Variants in GPATCH2L observed in about 807,000 individuals in gnomAD.
GPATCH2L encodes G patch domain-containing protein 2-like.
A neutral mutation model predicts 57.4 loss-of-function variants in GPATCH2L; 31 were observed. The ratio of observed to expected loss-of-function variants is 0.54; its 90% confidence interval spans 0.41 to 0.73. GPATCH2L has a LOEUF of 0.73. Ranked by LOEUF, GPATCH2L falls within the 30% of genes least tolerant of loss-of-function variation. The pLI, the probability that GPATCH2L is intolerant of heterozygous loss-of-function variation, is 0.00. For missense variants in GPATCH2L, 481 were observed against 599.9 expected, an observed-to-expected ratio of 0.80 and a Z score of 2.07; for synonymous variants, 199 against 210.7, an observed-to-expected ratio of 0.94 and a Z score of 0.48.
chr14:76,232,011 A>ACTGCAGCCTCG, intron 2 of GPATCH2L, among the ~76,000 whole-genome samples: 1 of 150,440 alleles, frequency 6.6e-6, no homozygotes, highest in Non-Finnish European at 1.5e-5. Context: ...CTGCAGGCTC[A>ACTGCAGCCTCG]AGCAATCTTC....
intron 2 of GPATCH2L, among the ~76,000 whole-genome samples, chr14:76,163,668 C>T (rs371328486): frequency 3.9e-5 from 6 of 152,296 alleles, no homozygotes; most frequent in African/African-American, 1.4e-4. Flanking sequence ...TCATCATTTG[C>T]ATTTGTGTAT....
rs2038208879 is a variant in GPATCH2L, at chr14:76,154,590, G to A, written c.227G>A (p.Cys76Tyr). Residue 76 changes from cysteine to tyrosine, a missense_variant, in exon 2 of 10, where the codon TGT becomes TAT. Transcript: ENST00000261530. This position sits in a 1 kb window ranked among gnomAD's most constrained non-coding sequence, Gnocchi z 4.4. ...ESSLDEATKD[C>Y]REVAPVTNFS... is the part of the protein sequence containing the mutation. ...AGTCTGGATGAGGCCACTAAGGACT[G>A]TCGAGAAGTGGCTCCGGTGACCAAT... The A allele has an allele frequency of 1.2e-6, 2 of 1,614,140 alleles. No homozygotes were observed. Among genetic ancestry groups the A allele is most frequent in the African/African-American group, 1.3e-5 (1 of 74,948 alleles).
At position 76,203,958 on chromosome 14, in the gene GPATCH2L, A is replaced by C. The variant is rs760704151; in HGVS notation, c.*2107A>C. On this transcript the variant is annotated 3_prime_UTR_variant, in exon 10 of 10. Coordinates refer to ENST00000261530, the MANE Select transcript of GPATCH2L (RefSeq NM_017926.4). ...AAGGTCAGGTGGCCAAGGTGTTCCC[A>C]CATTTTTTCTATATAACTTGTTTCC... The C allele has an allele frequency of 6.6e-6, 1 of 152,198 alleles. No homozygotes were observed. The highest frequency in any genetic ancestry group is 1.5e-5 in the Non-Finnish European group (1 of 68,026). 9.4% of individuals were successfully genotyped at this position (152,198 alleles called of 1,614,324 possible). A position where few individuals can be genotyped will look rare whatever the true frequency, so the allele number is the denominator to read the frequency against.
At chr14:76,215,114 A>G (rs1298521628), downstream of GPATCH2L, among the ~76,000 whole-genome samples, 1 of 152,202 alleles carries the variant, frequency 6.6e-6, no homozygotes, top group East Asian at 1.9e-4. Context: ...AAAAAAATCT[A>G]TAGAAGTAAA....
At position 76,151,951 on chromosome 14, in the gene GPATCH2L, G is replaced by A; in HGVS notation, c.-51G>A. On this transcript the variant is annotated 5_prime_UTR_variant, in exon 1 of 10. Coordinates refer to ENST00000261530, the MANE Select transcript of GPATCH2L (RefSeq NM_017926.4). ...AGGGAAGCCCCGGCGGTGAGAGTCGGCCCAAAAAGCGGCGGCCGTTGGAGG... is the reference window on the plus strand; with the variant it reads ...AGGGAAGCCCCGGCGGTGAGAGTCGACCCAAAAAGCGGCGGCCGTTGGAGG... The A allele has an allele frequency of 6.5e-6, 1 of 154,774 alleles. No individual in the cohort carries two copies. Among genetic ancestry groups the A allele is most frequent in the South Asian group, 2.0e-4 (1 of 4,890 alleles). The allele number at this position is 154,774 out of a possible 1,614,324, so 9.6% of individuals were successfully genotyped here.
chr14:76,216,238 C>T (rs377154586), downstream of GPATCH2L, among the ~76,000 whole-genome samples: 11 of 151,532 alleles, frequency 7.3e-5, no homozygotes, highest in East Asian at 2.1e-3. Context: ...AAAAGCTGTT[C>T]CTGTCTCACC....
At chr14:76,196,797 G>A (rs561026919) in intron 9 of GPATCH2L, among the ~76,000 whole-genome samples, 73 of 152,206 alleles carry the variant, frequency 4.8e-4, no homozygotes, top group Middle Eastern at 3.4e-3. Flanking sequence ...GTTGATAGCT[G>A]AATAGAGAGT....
chr14:76,182,421 A>T (rs1467452012), intron 8 of GPATCH2L, among the ~76,000 whole-genome samples: 87 of 134,182 alleles, frequency 6.5e-4, no homozygotes, highest in Admixed American at 8.8e-4. Context: ...TTTCTACAAA[A>T]TTTTTTTTTT....
intron 2 of GPATCH2L, among the ~76,000 whole-genome samples, chr14:76,233,247 G>T (rs935332): frequency 0.81 from 123,100 of 152,150 alleles, 49,870 homozygotes; most frequent in Non-Finnish European, 0.83. Flanking sequence ...TTCCCAAGAC[G>T]AGACCAATTT....
intron 6 of GPATCH2L, 40 bp downstream of exon 6, chr14:76,176,730 CTTG>C: frequency 1.5e-6 from 2 of 1,363,206 alleles, no homozygotes; most frequent in Non-Finnish European, 1.1e-6. Flanking sequence ...TAGTCTGCTC[CTTG>C]GAGGAGGAGG....
intron 2 of GPATCH2L, among the ~76,000 whole-genome samples, chr14:76,166,197 C>T (rs906576364): frequency 6.6e-6 from 1 of 152,122 alleles, no homozygotes; most frequent in Non-Finnish European, 1.5e-5. Context: ...TAAGTTTTGT[C>T]ATATTTTTTT....
rs1266390261 is a variant in GPATCH2L at position 76,187,322 on chromosome 14, T to C, written c.1193+6473T>C. 1.1e-4 allele frequency among the ~76,000 whole-genome samples: 17 copies of C among 152,098 alleles called. No individual in the cohort carries two copies. The East Asian group carries it at 1.7e-3, about 16-fold the overall frequency. ...TTGGCCTTCCTACTGTGTTGTGAGCTCCTGGGGACAGGACCTCAGCTCAGT... is the reference window on the plus strand; with the variant it reads ...TTGGCCTTCCTACTGTGTTGTGAGCCCCTGGGGACAGGACCTCAGCTCAGT... On this transcript the variant is annotated intron_variant, in intron 8 of 9. Coordinates refer to ENST00000261530, the MANE Select transcript of GPATCH2L (RefSeq NM_017926.4).
chr14:76,209,494 A>C lies in GPATCH2L; in HGVS notation c.*7643A>C, dbSNP rs535524857. The C allele has an allele frequency of 1.3e-5, 2 of 152,188 alleles. No homozygotes were observed. The highest frequency in any genetic ancestry group is 2.4e-5 in the African/African-American group (1 of 41,436). 9.4% of individuals were successfully genotyped at this position (152,188 alleles called of 1,614,324 possible). The stretch of plus-strand genomic sequence containing the variant: ...ATTCTAAGGTGGGTCACTCCTGTTT[A>C]CTTATGAGTTGCTATTTATGAAAAG... On this transcript the variant is annotated 3_prime_UTR_variant, in exon 10 of 10. Coordinates refer to ENST00000261530, the MANE Select transcript of GPATCH2L (RefSeq NM_017926.4).
chr14:76,163,525 G>A (rs2038694672), intron 2 of GPATCH2L, among the ~76,000 whole-genome samples: 2 of 152,114 alleles, frequency 1.3e-5, no homozygotes, highest in Non-Finnish European at 2.9e-5. Flanking sequence ...TTAAAATGAA[G>A]ATAGGTTTGC....
intron 7 of GPATCH2L, 33 bp downstream of exon 7, chr14:76,178,075 T>C (rs1276576258): frequency 6.5e-7 from 1 of 1,545,472 alleles, no homozygotes; most frequent in South Asian, 1.1e-5. Context: ...ATTTTGATTT[T>C]CTTGGAGAAC....
chr14:76,171,565 A>T (rs1036113752), intron 3 of GPATCH2L, among the ~76,000 whole-genome samples: 2 of 150,382 alleles, frequency 1.3e-5, no homozygotes, highest in African/African-American at 4.9e-5. Flanking sequence ...CCTAGGCAAC[A>T]GAACAAGAAT....
chr14:76,191,421 A>G (rs911300806), intron 8 of GPATCH2L, among the ~76,000 whole-genome samples: 1 of 152,080 alleles, frequency 6.6e-6, no homozygotes, highest in Non-Finnish European at 1.5e-5. Flanking sequence ...AAGCTGTAGC[A>G]GTTGCCTTAC....
At chr14:76,194,520 C>T (rs944750403) in intron 8 of GPATCH2L, among the ~76,000 whole-genome samples, 2 of 134,266 alleles carry the variant, frequency 1.5e-5, no homozygotes, top group Admixed American at 6.9e-5. Flanking sequence ...CTCATGCTTG[C>T]GTGCACGCAT....
intron 2 of GPATCH2L, chr14:76,230,414 C>A (rs778834204): frequency 1.4e-5 from 2 of 146,634 alleles, no homozygotes; most frequent in Non-Finnish European, 3.0e-5. Context: ...CTCGGTGGGA[C>A]CTTTGGTGAG....
Sources: gnomAD v4.1 joint callset for allele counts (sites outside exome capture counted in the v4.1 genomes callset) on GRCh38, gnomAD v4.1.1 for gene constraint, Gnocchi (gnomAD v3.1) non-coding constraint, MANE v1.5 for transcripts, NCBI Gene and HGNC (gene_info 2026-07-23, HGNC 2026-07-21) for gene names.